The following POU2F1 variants were observed in gnomAD, a reference collection of about 807,000 sequenced individuals.
POU2F1 encodes the protein POU class 2 homeobox 1, also known as POU domain, class 2, transcription factor 1.
Under a neutral mutation model 84.9 loss-of-function variants are expected in POU2F1, and 16 were observed. The ratio of observed to expected loss-of-function variants is 0.19; its 90% CI spans 0.13 to 0.29. The LOEUF is 0.29. POU2F1 is among the 10% of genes least tolerant of loss of function. The probability of loss-of-function intolerance (pLI) is 1.00; values close to 1 mark genes in which losing one functional copy is unlikely to be tolerated. For synonymous variants in POU2F1, 368 were observed against 368.3 expected, an observed-to-expected ratio of 1.00 and a Z score of 0.01; for missense variants, 738 against 942.6, an observed-to-expected ratio of 0.78 and a Z score of 2.84.
intron 1 of POU2F1, among the ~76,000 whole-genome samples, chr1:167,255,253 CCTA>C (rs1356030192): frequency 2.0e-5 from 3 of 152,154 alleles, no homozygotes; most frequent in Admixed American, 6.5e-5. Context: ...AGCAAGAAGT[CCTA>C]CTAGGTACCT....
At chr1:167,287,487 AC>A (rs1311674291) in intron 1 of POU2F1, among the ~76,000 whole-genome samples, 1 of 152,248 alleles carries the variant, frequency 6.6e-6, no homozygotes, top group East Asian at 1.9e-4. Flanking sequence ...CAGCAAAACA[AC>A]CAACAAAGGA....
At chr1:167,308,215 C>T (rs1471155427) in intron 1 of POU2F1, among the ~76,000 whole-genome samples, 1 of 151,952 alleles carries the variant, frequency 6.6e-6, no homozygotes, top group African/African-American at 2.4e-5. Flanking sequence ...TACAGGTGCA[C>T]ACCACCACGC....
At chr1:167,301,801 T>TA in intron 1 of POU2F1, among the ~76,000 whole-genome samples, 2 of 152,324 alleles carry the variant, frequency 1.3e-5, no homozygotes, top group East Asian at 3.9e-4. Context: ...CGCTATTCCT[T>TA]ACGGTGTTTT....
At chr1:167,319,674 G>A (rs952776613) in intron 1 of POU2F1, among the ~76,000 whole-genome samples, 2 of 151,746 alleles carry the variant, frequency 1.3e-5, no homozygotes, top group African/African-American at 2.4e-5. Context: ...TGCAAAAGGT[G>A]ACATTTAACA....
chr1:167,237,395 G>T (rs868723131), intron 1 of POU2F1, among the ~76,000 whole-genome samples: 1 of 152,136 alleles, frequency 6.6e-6, no homozygotes, highest in Non-Finnish European at 1.5e-5. Context: ...AAAGAAACAG[G>T]TTACAGTAAC....
chr1:167,289,665 A>G (rs1354182385), intron 1 of POU2F1, among the ~76,000 whole-genome samples: 5 of 152,252 alleles, frequency 3.3e-5, no homozygotes, highest in African/African-American at 1.2e-4. Flanking sequence ...TTTTGATTTT[A>G]TGATCAATCA....
intron 2 of POU2F1, among the ~76,000 whole-genome samples, chr1:167,364,258 G>T (rs1404103018): frequency 6.6e-6 from 1 of 152,174 alleles, no homozygotes; most frequent in Admixed American, 6.5e-5. Context: ...AAAAGCTCTT[G>T]CATGGCTCAC....
intron 1 of POU2F1, among the ~76,000 whole-genome samples, chr1:167,227,215 C>A (rs1234204121): frequency 2.0e-5 from 3 of 152,238 alleles, no homozygotes; most frequent in East Asian, 3.9e-4. Context: ...ACTAAGTCTT[C>A]AATATTGAAA....
At chr1:167,358,688 A>G (rs1474765253) in intron 2 of POU2F1, among the ~76,000 whole-genome samples, 1 of 98,466 alleles carries the variant, frequency 1.0e-5, no homozygotes, top group Non-Finnish European at 2.1e-5. Context: ...GCTTCACAAT[A>G]TATTCTTAAT....
At chr1:167,411,196 C>T (rs1210930775) in intron 13 of POU2F1, among the ~76,000 whole-genome samples, 1 of 151,992 alleles carries the variant, frequency 6.6e-6, no homozygotes, top group African/African-American at 2.4e-5. Flanking sequence ...CGTGCCACCA[C>T]GCCCAGCTAA....
chr1:167,289,301 C>T (rs549367535), intron 1 of POU2F1, among the ~76,000 whole-genome samples: 1 of 152,232 alleles, frequency 6.6e-6, no homozygotes. Flanking sequence ...GATTCTACCA[C>T]TAAGGTTGCT....
At position 167,415,959 on chromosome 1, in the gene POU2F1, A is replaced by C. The variant is rs1007417160; in HGVS notation, c.*149A>C. On this transcript the variant is annotated 3_prime_UTR_variant, in exon 16 of 16. Coordinates refer to ENST00000367866, the MANE Select transcript of POU2F1 (RefSeq NM_002697.4). ...GAAGGGAGAAAAAAAAAAAAAAACC[A>C]CACACACCCATACACACATACCAGA... is the stretch of plus-strand genomic sequence containing the variant. The C allele has an allele frequency of 1.4e-6, 1 of 732,434 alleles. No homozygotes were observed. Among genetic ancestry groups the C allele is most frequent in the East Asian group, 2.8e-5 (1 of 35,496 alleles). 45.4% of individuals were successfully genotyped at this position (732,434 alleles called of 1,614,324 possible).
chr1:167,275,365 G>A (rs1216255987), intron 1 of POU2F1, among the ~76,000 whole-genome samples: 1 of 151,626 alleles, frequency 6.6e-6, no homozygotes, highest in African/African-American at 2.4e-5. Flanking sequence ...GAGAACAATA[G>A]TGTTTTCTTA....
At chr1:167,269,195 G>T (rs1410573237) in intron 1 of POU2F1, among the ~76,000 whole-genome samples, 1 of 152,164 alleles carries the variant, frequency 6.6e-6, no homozygotes, top group Non-Finnish European at 1.5e-5. Flanking sequence ...AACCTATGTA[G>T]ATCCAAACTT....
At chr1:167,338,359 G>T (rs1657608844) in intron 2 of POU2F1, 2 of 387,872 alleles carry the variant, frequency 5.2e-6, no homozygotes, top group African/African-American at 2.1e-5. Flanking sequence ...AACTGTTTAT[G>T]TTATCAGCAA....
intron 1 of POU2F1, among the ~76,000 whole-genome samples, chr1:167,290,340 TG>T (rs1427463676): frequency 1.3e-5 from 2 of 152,140 alleles, no homozygotes; most frequent in Non-Finnish European, 2.9e-5. Flanking sequence ...GAGCCTGCAG[TG>T]GGCAGTGATC....
chr1:167,349,556 T>G (rs1256904448), intron 2 of POU2F1, among the ~76,000 whole-genome samples: 1 of 152,218 alleles, frequency 6.6e-6, no homozygotes, highest in African/African-American at 2.4e-5. Flanking sequence ...CAGTGCTTGC[T>G]ATACAGTATA....
intron 1 of POU2F1, among the ~76,000 whole-genome samples, chr1:167,313,708 A>G (rs1028374190): frequency 6.6e-6 from 1 of 152,256 alleles, no homozygotes; most frequent in Non-Finnish European, 1.5e-5. Context: ...CGTGACACCA[A>G]ACATACAATC....
intron 1 of POU2F1, among the ~76,000 whole-genome samples, chr1:167,327,429 AAC>A (rs1656779994): frequency 1.3e-5 from 2 of 152,196 alleles, no homozygotes; most frequent in Admixed American, 1.3e-4. Flanking sequence ...GATTCAGTAA[AAC>A]AGAAAAACTG....
Sources: allele counts gnomAD v4.1 joint callset (sites outside exome capture counted in the v4.1 genomes callset), GRCh38; gene constraint gnomAD v4.1.1; transcripts MANE v1.5; gene names NCBI Gene and HGNC (gene_info 2026-07-23, HGNC 2026-07-21).